The following ATP2B2 variants were observed in gnomAD, a reference collection of about 807,000 sequenced individuals.
ATP2B2 encodes the protein plasma membrane calcium-transporting ATPase 2.
ATP2B2 carries 15 observed loss-of-function variants against 120.0 expected under a neutral mutation model. The ratio of observed to expected loss-of-function variants is 0.12; its 90% CI spans 0.08 to 0.19. ATP2B2 has a LOEUF of 0.19. ATP2B2 is among the 10% of genes least tolerant of loss of function. The probability of loss-of-function intolerance (pLI) is 1.00; values close to 1 mark genes in which losing one functional copy is unlikely to be tolerated. For missense variants in ATP2B2, 1,045 were observed against 1,719.8 expected, an observed-to-expected ratio of 0.61 and a Z score of 6.94; for synonymous variants, 694 against 700.3, an observed-to-expected ratio of 0.99 and a Z score of 0.14.
chr3:10,453,063 A>C (rs1405948768), intron 1 of ATP2B2, among the ~76,000 whole-genome samples: 2 of 152,210 alleles, frequency 1.3e-5, no homozygotes. Flanking sequence ...GCATTTATTG[A>C]GTGCTTATTA....
chr3:10,464,245 G>A (rs2064634070), intron 1 of ATP2B2, among the ~76,000 whole-genome samples: 2 of 152,146 alleles, frequency 1.3e-5, no homozygotes, highest in South Asian at 2.1e-4. Context: ...CCGAGTCCTC[G>A]CGACAGAAGG....
At chr3:10,385,672 G>C (rs961001862) in intron 7 of ATP2B2, among the ~76,000 whole-genome samples, 2 of 152,202 alleles carry the variant, frequency 1.3e-5, no homozygotes, top group Non-Finnish European at 2.9e-5. Context: ...ATGAAATGAG[G>C]AGATCTGGCT....
chr3:10,680,712 G>T (rs915171842), intron 1 of ATP2B2, among the ~76,000 whole-genome samples: 2 of 152,166 alleles, frequency 1.3e-5, no homozygotes, highest in African/African-American at 4.8e-5. Context: ...CATTCGTCCT[G>T]AGCATAGCTC....
chr3:10,449,574 C>T lies in ATP2B2; in HGVS notation c.-31G>A. ...CTGCGGTCCTTGCTCGGGCTGGGCC[C>T]AAGGGTCAGCGCTGGACAAGAGGCT... is the stretch of plus-strand genomic sequence containing the variant. On this transcript the variant is annotated 5_prime_UTR_variant, in exon 2 of 23. Transcript: ENST00000360273. 2 of 1,613,444 alleles carry T rather than the reference C, an allele frequency of 1.2e-6. No individual in the cohort carries two copies. Among genetic ancestry groups the T allele is most frequent in the Non-Finnish European group, 1.7e-6 (2 of 1,179,390 alleles).
At chr3:10,350,621 G>A (rs751855120) in intron 14 of ATP2B2, 44 bp from the exon 15 acceptor site, 5 of 1,593,496 alleles carry the variant, frequency 3.1e-6, no homozygotes, top group South Asian at 1.1e-5. Context: ...ACCACCTCAG[G>A]CAGACTCCCC....
chr3:10,490,400 CTT>C (rs34189325), intron 1 of ATP2B2, among the ~76,000 whole-genome samples: 2 of 136,832 alleles, frequency 1.5e-5, no homozygotes, highest in Non-Finnish European at 3.1e-5. Flanking sequence ...CCACGGCATT[CTT>C]TTTTTTTTTT....
In ATP2B2 at chr3:10,449,713, C is replaced by A; in HGVS notation, c.-170G>T. 1 of 758,824 alleles carries A rather than the reference C, an allele frequency of 1.3e-6. No homozygotes were observed. The highest frequency in any genetic ancestry group is 2.3e-6 in the Non-Finnish European group (1 of 440,460). 47.0% of individuals were successfully genotyped at this position (758,824 alleles called of 1,614,324 possible). The stretch of plus-strand genomic sequence containing the variant: ...GGGGGTGGCCGAGGCGGGCTGGTGA[C>A]AGTGGTGGTGAGCTCCAAGAGGTGT... On this transcript the variant is annotated 5_prime_UTR_variant, in exon 2 of 23. Coordinates refer to ENST00000360273, the MANE Select transcript of ATP2B2 (RefSeq NM_001001331.4).
intron 2 of ATP2B2, among the ~76,000 whole-genome samples, chr3:10,573,151 A>AT (rs61701156): frequency 0.56 from 81,325 of 146,286 alleles, 22,373 homozygotes; most frequent in Middle Eastern, 0.63. Flanking sequence ...AGCCAAATAC[A>AT]TTTTTTTTTT....
intron 1 of ATP2B2, among the ~76,000 whole-genome samples, chr3:10,690,459 T>C (rs1355421420): frequency 6.6e-6 from 1 of 152,102 alleles, no homozygotes; most frequent in Non-Finnish European, 1.5e-5. Flanking sequence ...TATCTATCTA[T>C]CTATCTATCT....
chr3:10,538,821 A>C (rs1349059674), intron 2 of ATP2B2, among the ~76,000 whole-genome samples: 1 of 152,230 alleles, frequency 6.6e-6, no homozygotes, highest in Non-Finnish European at 1.5e-5. Context: ...GGCACAAGAC[A>C]GGGATGCTCT....
chr3:10,647,432 G>C (rs989417168), intron 1 of ATP2B2, among the ~76,000 whole-genome samples: 3 of 152,188 alleles, frequency 2.0e-5, no homozygotes, highest in African/African-American at 7.2e-5. Flanking sequence ...AAGCATCTAG[G>C]TTCAAAACTT....
chr3:10,651,453 G>T (rs138314672), intron 1 of ATP2B2, among the ~76,000 whole-genome samples: 90 of 152,324 alleles, frequency 5.9e-4, no homozygotes, highest in Admixed American at 2.0e-3. Context: ...CTCTTCTCTT[G>T]TCTGCTGCCA....
At chr3:10,429,630 C>T (rs2063251410) in intron 2 of ATP2B2, among the ~76,000 whole-genome samples, 1 of 152,146 alleles carries the variant, frequency 6.6e-6, no homozygotes, top group South Asian at 2.1e-4. Context: ...TTCCCTGAGA[C>T]ACAACAATAC....
chr3:10,634,386 T>C (rs1327542702), intron 1 of ATP2B2, among the ~76,000 whole-genome samples: 3 of 152,150 alleles, frequency 2.0e-5, no homozygotes, highest in Non-Finnish European at 4.4e-5. Flanking sequence ...GTGACCCCAC[T>C]GGGGGCCGTG....
At chr3:10,488,503 CTTCGTTCCTTCCTTCCTTCCTTCCTTCT>C (rs2065811382) in intron 1 of ATP2B2, among the ~76,000 whole-genome samples, 1 of 77,478 alleles carries the variant, frequency 1.3e-5, no homozygotes, top group Non-Finnish European at 2.8e-5. Context: ...TCCTTCCTTC[CTTCGTTCCTTCCTTCCTTCCTTCCTTCT>C]TTCCTTCCTT....
intron 2 of ATP2B2, among the ~76,000 whole-genome samples, chr3:10,607,342 G>A (rs757101149): frequency 7.2e-5 from 11 of 152,200 alleles, no homozygotes; most frequent in Non-Finnish European, 1.6e-4. Context: ...ACAAAGCTGG[G>A]CACTCCCAGA....
intron 18 of ATP2B2, among the ~76,000 whole-genome samples, chr3:10,344,162 A>C (rs548405430): frequency 2.6e-5 from 4 of 152,142 alleles, no homozygotes; most frequent in African/African-American, 9.6e-5. Context: ...CTCAGGGTCA[A>C]GTGTGCCCGT....
At chr3:10,625,513 A>G (rs1268753455) in intron 1 of ATP2B2, among the ~76,000 whole-genome samples, 1 of 152,154 alleles carries the variant, frequency 6.6e-6, no homozygotes, top group Non-Finnish European at 1.5e-5. Flanking sequence ...CCAGGATTTG[A>G]CGCAGATACT....
At chr3:10,475,166 C>A (rs1319836887) in intron 1 of ATP2B2, among the ~76,000 whole-genome samples, 1 of 152,216 alleles carries the variant, frequency 6.6e-6, no homozygotes, top group African/African-American at 2.4e-5. Flanking sequence ...CCTGCCACTG[C>A]AGTAGGAGGA....
Sources: allele counts gnomAD v4.1 joint callset (sites outside exome capture counted in the v4.1 genomes callset), GRCh38; gene constraint gnomAD v4.1.1; transcripts MANE v1.5; gene names NCBI Gene and HGNC (gene_info 2026-07-23, HGNC 2026-07-21).